ZNF541: variants seen among roughly 807,000 people sequenced by gnomAD.
The protein encoded by ZNF541 is zinc finger protein 541.
ZNF541 carries 23 observed loss-of-function variants against 123.5 expected under a neutral mutation model. The observed-to-expected ratio is 0.19, with a 90% confidence interval of 0.13 to 0.26. The LOEUF (loss-of-function observed/expected upper bound fraction) is 0.26. ZNF541 is among the 10% of genes least tolerant of loss of function. The pLI, the probability that ZNF541 is intolerant of heterozygous loss-of-function variation, is 1.00. For synonymous variants in ZNF541, 751 were observed against 754.5 expected, an observed-to-expected ratio of 1.00 and a Z score of 0.08; for missense variants, 1,612 against 1,789.9, an observed-to-expected ratio of 0.90 and a Z score of 1.79.
At chr19:47,570,659 T>G (rs1267581160) in intron 2 of ZNF541, among the ~76,000 whole-genome samples, 1 of 151,612 alleles carries the variant, frequency 6.6e-6, no homozygotes, top group African/African-American at 2.4e-5. Context: ...TTAAAATCAA[T>G]TAATAAACAT....
chr19:47,549,004 G>A (rs1470330982), intron 4 of ZNF541, among the ~76,000 whole-genome samples: 10 of 151,592 alleles, frequency 6.6e-5, no homozygotes, highest in African/African-American at 2.2e-4. Context: ...ACTTGAACCC[G>A]GGAGGCGGAG....
At chr19:47,535,961 T>A (rs987268876) in intron 9 of ZNF541, among the ~76,000 whole-genome samples, 1 of 152,194 alleles carries the variant, frequency 6.6e-6, no homozygotes, top group African/African-American at 2.4e-5. Flanking sequence ...CCCACATATT[T>A]ATTGACAGCA....
Position 47,538,437 on chromosome 19 carries a change from T to A in ZNF541, c.2799A>T (p.Gly933=), listed in dbSNP as rs867417295. 3.3e-6 allele frequency: 5 copies of A among 1,505,564 alleles called. No homozygotes were observed. Among genetic ancestry groups the A allele is most frequent in the Middle Eastern group, 1.7e-4 (1 of 5,752 alleles). 93.3% of individuals were successfully genotyped at this position (1,505,564 alleles called of 1,614,324 possible). ...CTCGCTCCTCCCCGTCTTTCTCTTG[T>A]CCCTGAAGAAGTTTAGAACCACAGG... ...VTRHIGSMAM[G]QEKDGEERDS... is the part of the protein sequence containing the mutation. The change falls in exon 9 of 17, where the codon GGA becomes GGT. Residue 933 remains glycine, a splice_region_variant and synonymous_variant. Coordinates refer to ENST00000391901, the MANE Select transcript of ZNF541 (RefSeq NM_001277075.3).
At chr19:47,550,140 T>A (rs2123220415) in intron 3 of ZNF541, among the ~76,000 whole-genome samples, 1 of 152,024 alleles carries the variant, frequency 6.6e-6, no homozygotes, top group Admixed American at 6.6e-5. Context: ...TAATCCCGGC[T>A]ATTTGGGAGG....
chr19:47,533,675 T>A (rs1969687073), intron 9 of ZNF541, among the ~76,000 whole-genome samples: 1 of 151,974 alleles, frequency 6.6e-6, no homozygotes, highest in Non-Finnish European at 1.5e-5. Flanking sequence ...AAACCCCATC[T>A]CTACTGAAAA....
intron 2 of ZNF541, among the ~76,000 whole-genome samples, chr19:47,564,741 A>G (rs1203200817): frequency 1.3e-5 from 2 of 152,204 alleles, no homozygotes; most frequent in African/African-American, 4.8e-5. Flanking sequence ...ACTATAGAAA[A>G]CAGTGTGGAC....
intron 9 of ZNF541, among the ~76,000 whole-genome samples, chr19:47,535,034 A>G (rs1599965783): frequency 6.6e-6 from 1 of 150,630 alleles, no homozygotes; most frequent in East Asian, 1.9e-4. Context: ...GGCTCACTGC[A>G]ACCTCCGCCT....
chr19:47,567,101 T>C (rs1346551965), intron 2 of ZNF541, among the ~76,000 whole-genome samples: 2 of 151,912 alleles, frequency 1.3e-5, no homozygotes, highest in Admixed American at 1.3e-4. Context: ...GAAAAATAGA[T>C]GGATAGAGCA....
intron 3 of ZNF541, 93 bp from the exon 4 acceptor site, chr19:47,549,578 G>A (rs1970511295): frequency 6.7e-7 from 1 of 1,500,236 alleles, no homozygotes; most frequent in Non-Finnish European, 8.9e-7. Context: ...GAACCATGGT[G>A]GCCTTGTAAG....
intron 14 of ZNF541, 39 bp from the exon 15 acceptor site, chr19:47,522,033 C>T (rs1389800658): frequency 8.4e-6 from 13 of 1,545,610 alleles, no homozygotes; most frequent in East Asian, 7.4e-5. Context: ...CTGTGCCACG[C>T]GGGCCCTGGG....
chr19:47,521,095 TGCAG>T lies in ZNF541; in HGVS notation c.*125_*128del. 8.3e-7 allele frequency: 1 copy of T among 1,201,256 alleles called. No homozygotes were observed. Among genetic ancestry groups the T allele is most frequent in the South Asian group, 1.6e-5 (1 of 64,138 alleles). 74.4% of individuals were successfully genotyped at this position (1,201,256 alleles called of 1,614,324 possible). A position where few individuals can be genotyped will look rare whatever the true frequency, so the allele number is the denominator to read the frequency against. ...TCTGTGGCCAAATGCCCTCCATGTT[TGCAG>T]GCAGGTTGGCCAACAGGGGACAGGG... On this transcript the variant is annotated 3_prime_UTR_variant, in exon 17 of 17. Transcript: ENST00000391901. The surrounding 1 kb of genome is among the most constrained non-coding windows in gnomAD (Gnocchi z 4.2).
At chr19:47,531,299 TAA>T (rs1422265543) in intron 12 of ZNF541, among the ~76,000 whole-genome samples, 2 of 146,892 alleles carry the variant, frequency 1.4e-5, no homozygotes, top group Admixed American at 7.0e-5. Context: ...TTTGTATATA[TAA>T]GTTTTCAATT....
intron 4 of ZNF541, among the ~76,000 whole-genome samples, chr19:47,548,501 T>C (rs1304596209): frequency 1.3e-5 from 2 of 150,238 alleles, no homozygotes; most frequent in Admixed American, 6.6e-5. Flanking sequence ...TCCATTGCCA[T>C]GTTCTAGAAG....
chr19:47,572,476 G>GA (rs1971508585), intron 1 of ZNF541, among the ~76,000 whole-genome samples: 1 of 151,774 alleles, frequency 6.6e-6, no homozygotes, highest in Admixed American at 6.6e-5. Flanking sequence ...CTGAACGGAT[G>GA]AAAAAAAACT....
intron 3 of ZNF541, among the ~76,000 whole-genome samples, chr19:47,553,778 G>A (rs189546756): frequency 2.5e-4 from 38 of 152,160 alleles, no homozygotes; most frequent in African/African-American, 5.5e-4. Flanking sequence ...TATCTCAAGC[G>A]ATCCGCCCAC....
At chr19:47,552,952 T>C (rs1970667529) in intron 3 of ZNF541, among the ~76,000 whole-genome samples, 1 of 147,846 alleles carries the variant, frequency 6.8e-6, no homozygotes, top group East Asian at 2.1e-4. Context: ...CTACTAAAAA[T>C]ACAAAAATTA....
chr19:47,549,009 G>A (rs1970482228), intron 4 of ZNF541, among the ~76,000 whole-genome samples: 1 of 151,260 alleles, frequency 6.6e-6, no homozygotes, highest in South Asian at 2.1e-4. Flanking sequence ...AACCCGGGAG[G>A]CGGAGGTTGC....
At chr19:47,543,999 C>T (rs1568497913) in intron 5 of ZNF541, 127 bp downstream of exon 5, 2 of 1,249,676 alleles carry the variant, frequency 1.6e-6, no homozygotes, top group Admixed American at 2.9e-5. Flanking sequence ...CTTTCGGAAC[C>T]TTAATTCCTT....
In ZNF541 at chr19:47,520,964, T is replaced by G; in HGVS notation, c.*260A>C. The G allele has an allele frequency of 2.3e-6, 1 of 443,540 alleles. No homozygotes were observed. The highest frequency in any genetic ancestry group is 4.0e-5 in the South Asian group (1 of 25,122). The allele number at this position is 443,540 out of a possible 1,614,324, so 27.5% of individuals were successfully genotyped here. The stretch of plus-strand genomic sequence containing the variant: ...TCCCCAAGCCTCCCTGCTCTAGAAG[T>G]GGAAGGGAAAGAAGGGGAGAGACTA... On this transcript the variant is annotated 3_prime_UTR_variant, in exon 17 of 17. Coordinates refer to ENST00000391901, the MANE Select transcript of ZNF541 (RefSeq NM_001277075.3).
Sources: allele counts gnomAD v4.1 joint callset (sites outside exome capture counted in the v4.1 genomes callset), GRCh38; gene constraint gnomAD v4.1.1; non-coding constraint Gnocchi (gnomAD v3.1); transcripts MANE v1.5; gene names NCBI Gene and HGNC (gene_info 2026-07-23, HGNC 2026-07-21).